The following PLSCR2 variants were observed in gnomAD, a reference collection of about 807,000 sequenced individuals.
PLSCR2 encodes the protein PL scramblase 2.
Under a neutral mutation model 25.3 loss-of-function variants are expected in PLSCR2, and 18 were observed. That is an observed-to-expected ratio of 0.71 (90% CI 0.49 to 1.06). PLSCR2 has a LOEUF of 1.06. PLSCR2 is among the 50% of genes least tolerant of loss of function. The pLI is 0.00. For synonymous variants in PLSCR2, 88 were observed against 87.3 expected (o/e 1.01, Z -0.04); for missense variants, 243 against 269.5 (o/e 0.90, Z 0.69).
intron 2 of PLSCR2, among the ~76,000 whole-genome samples, chr3:146,421,535 A>G (rs557675100): frequency 6.6e-6 from 1 of 152,188 alleles, no homozygotes; most frequent in East Asian, 1.9e-4. Context: ...AGTTTCTGGA[A>G]ACTACATGTG....
At chr3:146,465,862 T>G (rs12633694) in intron 1 of PLSCR2, among the ~76,000 whole-genome samples, 67,580 of 152,066 alleles carry the variant, frequency 0.44, 15,749 homozygotes, top group East Asian at 0.61. Context: ...CTTAAAAGAT[T>G]TGGTTACCAT....
chr3:146,394,910 T>C (rs1209733746), intron 3 of PLSCR2, among the ~76,000 whole-genome samples: 1 of 152,208 alleles, frequency 6.6e-6, no homozygotes, highest in Non-Finnish European at 1.5e-5. Context: ...TGATTTTATA[T>C]GCATCTGGCA....
intron 1 of PLSCR2, among the ~76,000 whole-genome samples, chr3:146,481,386 C>T (rs1361193912): frequency 6.6e-6 from 1 of 152,210 alleles, no homozygotes; most frequent in African/African-American, 2.4e-5. Flanking sequence ...TCAGCAAAGT[C>T]TCAGGATACA....
At chr3:146,485,751 G>A (rs189862791) in intron 1 of PLSCR2, among the ~76,000 whole-genome samples, 20 of 152,110 alleles carry the variant, frequency 1.3e-4, no homozygotes, top group East Asian at 1.2e-3. Flanking sequence ...AGACATACCC[G>A]ATACTGGGCA....
chr3:146,468,654 C>G (rs756321253), intron 1 of PLSCR2, among the ~76,000 whole-genome samples: 1 of 152,200 alleles, frequency 6.6e-6, no homozygotes, highest in Non-Finnish European at 1.5e-5. Context: ...ACCCAGACCT[C>G]CCTCACAAAT....
At chr3:146,490,847 T>C (rs2043524610) in intron 1 of PLSCR2, among the ~76,000 whole-genome samples, 1 of 152,180 alleles carries the variant, frequency 6.6e-6, no homozygotes, top group Non-Finnish European at 1.5e-5. Flanking sequence ...CCCATCTACA[T>C]TCAAAATCAA....
chr3:146,487,511 T>C (rs764954070), intron 1 of PLSCR2, among the ~76,000 whole-genome samples: 5 of 152,048 alleles, frequency 3.3e-5, no homozygotes, highest in Non-Finnish European at 7.4e-5. Flanking sequence ...TCATAAGCAT[T>C]CCTATAGACC....
chr3:146,438,739 C>G (rs2040044460), downstream of PLSCR2, among the ~76,000 whole-genome samples: 1 of 152,152 alleles, frequency 6.6e-6, no homozygotes, highest in East Asian at 1.9e-4. Context: ...ATTTGCCAGT[C>G]TGTGTCTTTT....
Position 146,397,328 on chromosome 3 carries a change from A to T in PLSCR2, c.101-1407T>A, listed in dbSNP as rs567756044. Among the ~76,000 whole-genome samples, 22 of 152,166 alleles carry T rather than the reference A, an allele frequency of 1.4e-4. No individual in the cohort carries two copies. The East Asian group carries it at 4.3e-3, about 29-fold the overall frequency. Reference sequence around the variant, plus strand: ...TTTTTGCATTAATTTTAATTTTTTTAAAAAACAATGCAACACATTCAGGTA... The same window carrying T: ...TTTTTGCATTAATTTTAATTTTTTTTAAAAACAATGCAACACATTCAGGTA... On this transcript the variant is annotated intron_variant and NMD_transcript_variant, in intron 2 of 3. Coordinates refer to the PLSCR2 transcript ENST00000463633.
At chr3:146,487,901 T>C (rs1489932616) in intron 1 of PLSCR2, among the ~76,000 whole-genome samples, 1 of 152,118 alleles carries the variant, frequency 6.6e-6, no homozygotes, top group Admixed American at 6.6e-5. Context: ...GCTGGAGGCA[T>C]CATGCTACAT....
downstream of PLSCR2, among the ~76,000 whole-genome samples, chr3:146,440,932 A>G (rs891379353): frequency 1.3e-5 from 2 of 152,216 alleles, no homozygotes; most frequent in East Asian, 3.8e-4. Flanking sequence ...TCTTGTAACT[A>G]ACATATTCTG....
intron 2 of PLSCR2, among the ~76,000 whole-genome samples, chr3:146,428,163 G>T (rs976941297): frequency 6.6e-6 from 1 of 152,180 alleles, no homozygotes; most frequent in Non-Finnish European, 1.5e-5. Flanking sequence ...AATTTACTCT[G>T]TAAAGGGTAT....
chr3:146,459,145 G>A (rs1190580535), intron 2 of PLSCR2, among the ~76,000 whole-genome samples: 2 of 152,096 alleles, frequency 1.3e-5, no homozygotes, highest in Non-Finnish European at 2.9e-5. Context: ...ATGTAGTACA[G>A]CAAAATCCAG....
intron 1 of PLSCR2, chr3:146,494,620 A>G (rs1242561303): frequency 6.6e-6 from 1 of 152,150 alleles, no homozygotes; most frequent in Non-Finnish European, 1.5e-5. Context: ...ATTTAATTTG[A>G]TAAAGTAATA....
At chr3:146,444,288 A>C (rs1332645589) in intron 6 of PLSCR2, among the ~76,000 whole-genome samples, 2 of 152,032 alleles carry the variant, frequency 1.3e-5, no homozygotes, top group Non-Finnish European at 1.5e-5. Flanking sequence ...TTTGGTTTAT[A>C]GTGCAGATTC....
At chr3:146,459,788 T>G (rs1432956746) in intron 2 of PLSCR2, 60 bp downstream of exon 2, 1 of 1,227,424 alleles carries the variant, frequency 8.1e-7, no homozygotes, top group African/African-American at 1.5e-5. Flanking sequence ...ATTACTATGG[T>G]TCATAAACCA....
chr3:146,449,512 C>A (rs1038777961), intron 5 of PLSCR2, 145 bp from the exon 6 acceptor site: 3 of 490,196 alleles, frequency 6.1e-6, no homozygotes, highest in African/African-American at 6.0e-5. Flanking sequence ...ATATTAGATG[C>A]ATATAGGCTC....
chr3:146,437,001 T>A (rs1406226110), downstream of PLSCR2, among the ~76,000 whole-genome samples: 3 of 152,222 alleles, frequency 2.0e-5, no homozygotes, highest in East Asian at 5.8e-4. Flanking sequence ...TTGAATTTTG[T>A]CAAAGGCCTT....
chr3:146,440,169 G>T (rs964060285), downstream of PLSCR2, among the ~76,000 whole-genome samples: 3 of 152,158 alleles, frequency 2.0e-5, no homozygotes, highest in African/African-American at 4.8e-5. Context: ...GCTATATGAG[G>T]TGTCAATTGG....
Sources: gnomAD v4.1 joint callset for allele counts (sites outside exome capture counted in the v4.1 genomes callset) on GRCh38, gnomAD v4.1.1 for gene constraint, MANE v1.5 for transcripts, NCBI Gene and HGNC (gene_info 2026-07-23, HGNC 2026-07-21) for gene names.